KCNQ1: variants seen among roughly 807,000 people sequenced by gnomAD.
The protein encoded by KCNQ1 is potassium voltage-gated channel subfamily KQT member 1.
KCNQ1 carries 49 observed loss-of-function variants against 72.4 expected under a neutral mutation model. The ratio of observed to expected loss-of-function variants is 0.68; its 90% confidence interval spans 0.54 to 0.86. KCNQ1 has a LOEUF of 0.86. Ranked by LOEUF, KCNQ1 falls within the 40% of genes least tolerant of loss-of-function variation. The probability of loss-of-function intolerance (pLI) is 0.00; values close to 1 mark genes in which losing one functional copy is unlikely to be tolerated. For missense variants in KCNQ1, 790 were observed against 945.1 expected (o/e 0.84, Z 2.15); for synonymous variants, 450 against 412.6 (o/e 1.09, Z -1.10).
At chr11:2,714,070 A>T (rs1404003960) in intron 11 of KCNQ1, among the ~76,000 whole-genome samples, 3 of 152,072 alleles carry the variant, frequency 2.0e-5, no homozygotes, top group Non-Finnish European at 4.4e-5. Flanking sequence ...ATAGAGCGCC[A>T]AGGATGCGGG....
rs568335780 is a variant in KCNQ1, at chr11:2,848,142, G to T, written c.*139G>T. 309 of 786,428 alleles carry T rather than the reference G, an allele frequency of 3.9e-4. No individual in the cohort carries two copies. In the African/African-American group the frequency reaches 4.7e-3, roughly 12 times the overall value. The allele number at this position is 786,428 out of a possible 1,614,324, so 48.7% of individuals were successfully genotyped here. A position where few individuals can be genotyped will look rare whatever the true frequency, so the allele number is the denominator to read the frequency against. On this transcript the variant is annotated 3_prime_UTR_variant, in exon 16 of 16. Transcript: ENST00000155840. ...CTCTCAGAGGCCCCAATACCCCATGGACCATGCTGTCTGGCACAGCCTGCA... is the reference window on the plus strand; with the variant it reads ...CTCTCAGAGGCCCCAATACCCCATGTACCATGCTGTCTGGCACAGCCTGCA...
chr11:2,737,856 G>A (rs754825017), intron 11 of KCNQ1, among the ~76,000 whole-genome samples: 4 of 152,232 alleles, frequency 2.6e-5, no homozygotes, highest in South Asian at 4.1e-4. Context: ...ATGAGGATGT[G>A]AGGCGGTCAT....
At chr11:2,634,985 G>A (rs1849434269) in intron 10 of KCNQ1, 1 of 152,170 alleles carries the variant, frequency 6.6e-6, no homozygotes, top group Non-Finnish European at 1.5e-5. Flanking sequence ...GTCTTCTTTT[G>A]AGAAGTGTCT....
In KCNQ1 at chr11:2,827,306, T is replaced by C. The variant is rs1173387809; in HGVS notation, c.1795-20461T>C. On this transcript the variant is annotated intron_variant, in intron 15 of 15. Transcript: ENST00000155840. The surrounding 1 kb of genome is among the most constrained non-coding windows in gnomAD (Gnocchi z 6.7). ...AGAAGCTTCAGGGCTGATGTGTGCC[T>C]GGTGAATCAGCCTGGCCCCAGACCT... 6.6e-6 allele frequency among the ~76,000 whole-genome samples: 1 copy of C among 152,048 alleles called. No homozygotes were observed. Among genetic ancestry groups the C allele is most frequent in the African/African-American group, 2.4e-5 (1 of 41,388 alleles).
chr11:2,587,391 C>T (rs866865780), intron 8 of KCNQ1, among the ~76,000 whole-genome samples, 179 bp from the exon 9 acceptor site: 28 of 152,342 alleles, frequency 1.8e-4, no homozygotes, highest in African/African-American at 6.5e-4. Flanking sequence ...AGCCAGGCTG[C>T]CTGGGCAGAG....
At chr11:2,584,601 GTGTT>G (rs1432730128) in intron 7 of KCNQ1, among the ~76,000 whole-genome samples, 1 of 151,720 alleles carries the variant, frequency 6.6e-6, no homozygotes, top group African/African-American at 2.4e-5. Flanking sequence ...GGGTTAGTGT[GTGTT>G]AGTGTGGGTT....
At chr11:2,609,490 T>C in intron 10 of KCNQ1, 1 of 398,444 alleles carries the variant, frequency 2.5e-6, no homozygotes, top group Non-Finnish European at 4.4e-6. Flanking sequence ...ATACTGTATA[T>C]TCAATGTTGG....
rs1180618936 is a variant in KCNQ1 at position 2,768,752 on chromosome 11, A to G, written c.1515-92A>G. Reference sequence around the variant, plus strand: ...ACTCTCCTTGTTTCTGGAAGGATCCAGTCTGCGTGCTCCTCAGGCAGTGCA... The same window carrying G: ...ACTCTCCTTGTTTCTGGAAGGATCCGGTCTGCGTGCTCCTCAGGCAGTGCA... On this transcript the variant is annotated intron_variant, in intron 11 of 15. Coordinates refer to ENST00000155840, the MANE Select transcript of KCNQ1 (RefSeq NM_000218.3). This position sits in a 1 kb window ranked among gnomAD's most constrained non-coding sequence, Gnocchi z 6.7. 1.1e-6 allele frequency: 1 copy of G among 942,724 alleles called. No individual in the cohort carries two copies. Among genetic ancestry groups the G allele is most frequent in the Non-Finnish European group, 1.8e-6 (1 of 569,964 alleles). 58.4% of individuals were successfully genotyped at this position (942,724 alleles called of 1,614,324 possible). A position where few individuals can be genotyped will look rare whatever the true frequency, so the allele number is the denominator to read the frequency against.
chr11:2,625,715 G>A (rs187538849), intron 10 of KCNQ1: 7 of 397,114 alleles, frequency 1.8e-5, no homozygotes, highest in South Asian at 1.4e-4. Flanking sequence ...GACTACAGGC[G>A]CCCACCACCA....
At chr11:2,846,577 C>T (rs1475824085) in intron 15 of KCNQ1, among the ~76,000 whole-genome samples, 1 of 152,222 alleles carries the variant, frequency 6.6e-6, no homozygotes, top group Non-Finnish European at 1.5e-5. Context: ...GGGTCCCCAA[C>T]CTGGACTCCC....
intron 10 of KCNQ1, chr11:2,635,809 C>A (rs918301904): frequency 1.3e-5 from 2 of 152,194 alleles, no homozygotes; most frequent in Admixed American, 6.5e-5. Flanking sequence ...TTCTCCCTAT[C>A]CATGAGCATG....
intron 2 of KCNQ1, 49 bp from the exon 3 acceptor site, chr11:2,570,579 A>C: frequency 6.2e-7 from 1 of 1,606,824 alleles, no homozygotes; most frequent in Non-Finnish European, 8.5e-7. Flanking sequence ...GTCTGAAGCC[A>C]CTCAAGGCCG....
At chr11:2,717,750 G>A (rs1029634462) in intron 11 of KCNQ1, among the ~76,000 whole-genome samples, 2 of 152,216 alleles carry the variant, frequency 1.3e-5, no homozygotes, top group Non-Finnish European at 2.9e-5. Context: ...GGCAGCACTG[G>A]GGAGCCTGAG....
At chr11:2,558,784 C>A (rs952002376) in intron 2 of KCNQ1, among the ~76,000 whole-genome samples, 2 of 152,182 alleles carry the variant, frequency 1.3e-5, no homozygotes, top group African/African-American at 4.8e-5. Flanking sequence ...CCACTCTCCT[C>A]CCCTCCATGG....
At position 2,644,016 on chromosome 11, in the gene KCNQ1, C is replaced by T. The variant is rs76483719; in HGVS notation, c.1394-17945C>T. On this transcript the variant is annotated intron_variant, in intron 10 of 15. Transcript: ENST00000155840. ...TAAGTGTCTACAACCTCTTTTATCGCTGGTTTTATGATTCTCTCTTTGTCT... is the reference window on the plus strand; with the variant it reads ...TAAGTGTCTACAACCTCTTTTATCGTTGGTTTTATGATTCTCTCTTTGTCT... 1,855 of 398,494 alleles carry T rather than the reference C, an allele frequency of 4.7e-3. 16 individuals carry two copies. Among genetic ancestry groups the T allele is most frequent in the Middle Eastern group, 6.9e-3 (11 of 1,586 alleles). 24.7% of individuals were successfully genotyped at this position (398,494 alleles called of 1,614,324 possible). A position where few individuals can be genotyped will look rare whatever the true frequency, so the allele number is the denominator to read the frequency against.
rs1388373862 is a variant in KCNQ1, at chr11:2,458,970, A to G, written c.386+13486A>G. Among the ~76,000 whole-genome samples the G allele has an allele frequency of 1.3e-5, 2 of 152,226 alleles. No individual in the cohort carries two copies. The highest frequency in any genetic ancestry group is 3.8e-4 in the East Asian group (2 of 5,204). On this transcript the variant is annotated intron_variant, in intron 1 of 15. Coordinates refer to ENST00000155840, the MANE Select transcript of KCNQ1 (RefSeq NM_000218.3). This position sits in a 1 kb window ranked among gnomAD's most constrained non-coding sequence, Gnocchi z 4.6. ...GATTAAATTACTTCTGGTTTGCTGC[A>G]TGTTCCATTTTTGCCCATGCCGCAC...
intron 11 of KCNQ1, chr11:2,697,673 A>G: frequency 2.5e-6 from 1 of 398,584 alleles, no homozygotes; most frequent in East Asian, 3.6e-5. Context: ...AATTACATGG[A>G]TAAAGTTTCT....
Position 2,654,869 on chromosome 11 carries a change from C to G in KCNQ1, c.1394-7092C>G. On this transcript the variant is annotated intron_variant, in intron 10 of 15. Coordinates refer to ENST00000155840, the MANE Select transcript of KCNQ1 (RefSeq NM_000218.3). This position sits in a 1 kb window ranked among gnomAD's most constrained non-coding sequence, Gnocchi z 6.4. ...GGCAGCTCCAGGCCAGGTGGAGGGACATATTCTGGCAACTCTAGGATAAGA... is the reference window on the plus strand; with the variant it reads ...GGCAGCTCCAGGCCAGGTGGAGGGAGATATTCTGGCAACTCTAGGATAAGA... 1 of 398,560 alleles carries G rather than the reference C, an allele frequency of 2.5e-6. No individual in the cohort carries two copies. The highest frequency in any genetic ancestry group is 1.3e-4 in the South Asian group (1 of 7,852). The allele number at this position is 398,560 out of a possible 1,614,324, so 24.7% of individuals were successfully genotyped here. A position where few individuals can be genotyped will look rare whatever the true frequency, so the allele number is the denominator to read the frequency against.
chr11:2,828,207 A>G lies in KCNQ1; in HGVS notation c.1795-19560A>G, dbSNP rs1233156391. Among the ~76,000 whole-genome samples the G allele has an allele frequency of 6.6e-6, 1 of 152,228 alleles. No homozygotes were observed. The highest frequency in any genetic ancestry group is 1.5e-5 in the Non-Finnish European group (1 of 68,040). ...AGCAGGCAGGGACTAGCACCCAAGA[A>G]GAAAACTCTGAGAAGTCAGGACAGG... On this transcript the variant is annotated intron_variant, in intron 15 of 15. Coordinates refer to ENST00000155840, the MANE Select transcript of KCNQ1 (RefSeq NM_000218.3). This position sits in a 1 kb window ranked among gnomAD's most constrained non-coding sequence, Gnocchi z 5.3.
Sources: allele counts gnomAD v4.1 joint callset (sites outside exome capture counted in the v4.1 genomes callset), GRCh38; gene constraint gnomAD v4.1.1; non-coding constraint Gnocchi (gnomAD v3.1); transcripts MANE v1.5; gene names NCBI Gene and HGNC (gene_info 2026-07-23, HGNC 2026-07-21).